The following NSD3 variants were observed in gnomAD, a reference collection of about 807,000 sequenced individuals.
The protein encoded by NSD3 is histone-lysine N-methyltransferase NSD3.
Under a neutral mutation model 160.8 loss-of-function variants are expected in NSD3, and 24 were observed. That is an observed-to-expected ratio of 0.15 (90% CI 0.11 to 0.21). The LOEUF (loss-of-function observed/expected upper bound fraction) is 0.21. Among genes scored for constraint, NSD3 ranks in the 10% least tolerant of loss-of-function variants. The pLI, the probability that NSD3 is intolerant of heterozygous loss-of-function variation, is 1.00. For synonymous variants in NSD3, 520 were observed against 600.0 expected (o/e 0.87, Z 1.95); for missense variants, 1,157 against 1,735.9 (o/e 0.67, Z 5.93).
chr8:38,373,800 T>A (rs1016780177), intron 1 of NSD3, among the ~76,000 whole-genome samples: 9 of 151,750 alleles, frequency 5.9e-5, no homozygotes, highest in African/African-American at 7.3e-5. Flanking sequence ...AAAAAAATTT[T>A]AAAAAATAGC....
chr8:38,277,565 C>A (rs1808631027), intron 22 of NSD3, among the ~76,000 whole-genome samples: 1 of 152,232 alleles, frequency 6.6e-6, no homozygotes, highest in Admixed American at 6.5e-5. Flanking sequence ...GCGTGAGCCA[C>A]CACGCCCAGC....
intron 19 of NSD3, among the ~76,000 whole-genome samples, chr8:38,284,385 T>G (rs1808808174): frequency 6.6e-6 from 1 of 152,220 alleles, no homozygotes. Context: ...CTTAATGATG[T>G]TAGGGCAAAT....
intron 1 of NSD3, among the ~76,000 whole-genome samples, chr8:38,348,750 C>G (rs1810595509): frequency 6.6e-6 from 1 of 152,260 alleles, no homozygotes; most frequent in Admixed American, 6.5e-5. Context: ...CAGCCTCAAC[C>G]TCCCAGGCTC....
At chr8:38,354,527 ATTCT>A (rs1334886246) in intron 1 of NSD3, among the ~76,000 whole-genome samples, 1 of 152,254 alleles carries the variant, frequency 6.6e-6, no homozygotes, top group African/African-American at 2.4e-5. Context: ...GAATGTTCTC[ATTCT>A]TAGGAGAGCT....
chr8:38,278,179 C>A (rs955715690), intron 22 of NSD3, 127 bp downstream of exon 22: 1 of 630,672 alleles, frequency 1.6e-6, no homozygotes. Context: ...ACCTCGTGAT[C>A]TGCCCGCCTT....
At chr8:38,282,326 T>G (rs1054798348) in intron 19 of NSD3, among the ~76,000 whole-genome samples, 8 of 152,218 alleles carry the variant, frequency 5.3e-5, no homozygotes, top group African/African-American at 1.9e-4. Context: ...CATCTCATCC[T>G]AACCCCTGGC....
chr8:38,341,794 A>G (rs912212615), intron 2 of NSD3, among the ~76,000 whole-genome samples: 4 of 151,964 alleles, frequency 2.6e-5, no homozygotes, highest in Non-Finnish European at 5.9e-5. Flanking sequence ...TCTATAAAAA[A>G]AGAGCCAGGC....
Position 38,347,902 on chromosome 8 carries a change from A to T in NSD3, c.270T>A (p.Asn90Lys). The T allele has an allele frequency of 6.2e-7, 1 of 1,614,208 alleles. No homozygotes were observed. Among genetic ancestry groups the T allele is most frequent in the Non-Finnish European group, 8.5e-7 (1 of 1,180,042 alleles). ...CATTGGCTGACCCATTAGGATACTG[A>T]TTATATGACTGGTATTTGGTTTGAG... ...YETQTKYQSY[N>K]QYPNGSANGF... The change falls in exon 2 of 24, where the codon AAT becomes AAA. Residue 90 changes from asparagine to lysine, a missense_variant. This residue lies in a region of NSD3 where 121 missense variants were observed against 177.2 expected (regional missense o/e 0.68). Transcript: ENST00000317025.
chr8:38,366,418 C>CTTTTTTTTTTTTTT lies in NSD3; in HGVS notation c.-45+15367_-45+15380dup, dbSNP rs374656504. On this transcript the variant is annotated intron_variant, in intron 1 of 23. Coordinates refer to ENST00000317025, the MANE Select transcript of NSD3 (RefSeq NM_023034.2). ...CAATTATGTTCACATCTACTTAATT[C>CTTTTTTTTTTTTTT]TTTTTTTTTTTTTTTTGAGATAGAG... Among the ~76,000 whole-genome samples the CTTTTTTTTTTTTTT allele has an allele frequency of 4.5e-5, 6 of 132,174 alleles. 1 individual carries two copies. Among genetic ancestry groups the CTTTTTTTTTTTTTT allele is most frequent in the Non-Finnish European group, 6.4e-5 (4 of 62,374 alleles). 86.7% of individuals were successfully genotyped at this position (132,174 alleles called of 152,430 possible).
At position 38,276,517 on chromosome 8, in the gene NSD3, G is replaced by T. The variant is rs1425566494; in HGVS notation, c.3868-17C>A. The T allele has an allele frequency of 6.2e-7, 1 of 1,613,536 alleles. No individual in the cohort carries two copies. The highest frequency in any genetic ancestry group is 8.5e-7 in the Non-Finnish European group (1 of 1,179,756). ...ACATGCCGACTGGCAGGAAAGAAAG[G>T]ATCATAGTTTCAAACATCACAGACA... On this transcript the variant is annotated splice_polypyrimidine_tract_variant and intron_variant, in intron 22 of 23. Coordinates refer to ENST00000317025, the MANE Select transcript of NSD3 (RefSeq NM_023034.2).
intron 19 of NSD3, among the ~76,000 whole-genome samples, chr8:38,287,808 A>G (rs899456124): frequency 6.6e-6 from 1 of 152,002 alleles, no homozygotes; most frequent in Non-Finnish European, 1.5e-5. Context: ...GCCCGCTACC[A>G]CGCCCGGCTA....
intron 1 of NSD3, among the ~76,000 whole-genome samples, chr8:38,350,154 G>A (rs548449553): frequency 1.3e-5 from 2 of 152,252 alleles, no homozygotes; most frequent in Admixed American, 6.5e-5. Context: ...ATATGTGTGC[G>A]TGTGTCTTTA....
chr8:38,343,762 A>G (rs530372812), intron 2 of NSD3, among the ~76,000 whole-genome samples: 1 of 152,298 alleles, frequency 6.6e-6, no homozygotes, highest in South Asian at 2.1e-4. Flanking sequence ...TTTGCATATA[A>G]AGAGTTTCTA....
In NSD3 at chr8:38,273,929, A is replaced by G. The variant is rs1483793443; in HGVS notation, c.*1712T>C. 6.6e-6 allele frequency: 1 copy of G among 152,222 alleles called. No homozygotes were observed. Among genetic ancestry groups the G allele is most frequent in the Non-Finnish European group, 1.5e-5 (1 of 68,038 alleles). The allele number at this position is 152,222 out of a possible 1,614,324, so 9.4% of individuals were successfully genotyped here. On this transcript the variant is annotated 3_prime_UTR_variant, in exon 24 of 24. Coordinates refer to ENST00000317025, the MANE Select transcript of NSD3 (RefSeq NM_023034.2). ...TGTTTTTTACAAGAGAAAATCCAGTATAATTGCACATTTACATACAAAAAA... is the reference window on the plus strand; with the variant it reads ...TGTTTTTTACAAGAGAAAATCCAGTGTAATTGCACATTTACATACAAAAAA...
At chr8:38,296,642 C>T (rs1809152085) in intron 15 of NSD3, among the ~76,000 whole-genome samples, 2 of 150,814 alleles carry the variant, frequency 1.3e-5, no homozygotes, top group South Asian at 4.2e-4. Context: ...TATCAACAAC[C>T]AAAAAACCTC....
rs1339624713 is a variant in NSD3, at chr8:38,307,130, A to AT, written c.2243-1686_2243-1685insA. Among the ~76,000 whole-genome samples the AT allele has an allele frequency of 5.6e-3, 709 of 127,510 alleles. 5 individuals are homozygous for AT. The highest frequency in any genetic ancestry group is 0.014 in the African/African-American group (502 of 34,664). 83.7% of individuals were successfully genotyped at this position (127,510 alleles called of 152,430 possible). A position where few individuals can be genotyped will look rare whatever the true frequency, so the allele number is the denominator to read the frequency against. ...ATACCGTCTCAAAAAAAAAAAAAATAAAATAAAATAAATAAATAAATAAAT... is the reference window on the plus strand; with the variant it reads ...ATACCGTCTCAAAAAAAAAAAAAATATAAATAAAATAAATAAATAAATAAAT... On this transcript the variant is annotated intron_variant, in intron 12 of 23. Transcript: ENST00000317025.
At chr8:38,366,523 T>G (rs1811111889) in intron 1 of NSD3, among the ~76,000 whole-genome samples, 1 of 150,122 alleles carries the variant, frequency 6.7e-6, no homozygotes, top group Non-Finnish European at 1.5e-5. Flanking sequence ...CAAGCAATTC[T>G]CTGCCTCAGC....
intron 14 of NSD3, among the ~76,000 whole-genome samples, chr8:38,303,665 G>A (rs1465256564): frequency 6.6e-6 from 1 of 152,102 alleles, no homozygotes; most frequent in African/African-American, 2.4e-5. Context: ...TAAAATAACT[G>A]TCTCCTAAAG....
intron 1 of NSD3, among the ~76,000 whole-genome samples, chr8:38,375,245 G>T (rs775986067): frequency 7.2e-5 from 11 of 151,828 alleles, no homozygotes; most frequent in Non-Finnish European, 1.5e-4. Context: ...AAATGTAGAT[G>T]GAAAAAAGAA....
Sources: gnomAD v4.1 joint callset for allele counts (sites outside exome capture counted in the v4.1 genomes callset) on GRCh38, gnomAD v4.1.1 for gene constraint, gnomAD v4.1.1 regional missense constraint, MANE v1.5 for transcripts, NCBI Gene and HGNC (gene_info 2026-07-23, HGNC 2026-07-21) for gene names.